RNF207: variants seen among roughly 807,000 people sequenced by gnomAD.
RNF207 encodes OTTHUMG00000001089.
In RNF207, 72 loss-of-function variants were observed where a neutral mutation model predicts 79.0. The observed-to-expected ratio is 0.91, with a 90% CI of 0.75 to 1.11. The LOEUF is 1.11. Ranked by LOEUF, RNF207 falls within the 50% of genes least tolerant of loss-of-function variation. The probability of loss-of-function intolerance (pLI) is 0.00; values close to 1 mark genes in which losing one functional copy is unlikely to be tolerated. For missense variants in RNF207, 936 were observed against 855.8 expected (o/e 1.09, Z -1.17); for synonymous variants, 348 against 366.2 (o/e 0.95, Z 0.57).
chr1:6,213,690 A>C (rs550751725), intron 16 of RNF207, among the ~76,000 whole-genome samples: 81 of 152,310 alleles, frequency 5.3e-4, no homozygotes, highest in African/African-American at 1.9e-3. Flanking sequence ...GTCAAAGCAG[A>C]AGGCACTTTC....
chr1:6,212,972 TGGTC>T, intron 15 of RNF207, 90 bp from the exon 16 acceptor site: 1 of 873,982 alleles, frequency 1.1e-6, no homozygotes, highest in Non-Finnish European at 1.9e-6. Flanking sequence ...ATCATGGAAA[TGGTC>T]GGGATATTTA....
At chr1:6,218,717 C>T (rs1668448290) in intron 17 of RNF207, among the ~76,000 whole-genome samples, 1 of 152,232 alleles carries the variant, frequency 6.6e-6, no homozygotes, top group South Asian at 2.1e-4. Context: ...TCCCCAGAGC[C>T]AGCGCATGCG....
chr1:6,206,502 G>C, intron 1 of RNF207, 34 bp from the exon 2 acceptor site: 3 of 1,499,560 alleles, frequency 2.0e-6, no homozygotes, highest in Non-Finnish European at 2.7e-6. Flanking sequence ...GGCTCCGTGC[G>C]TGCCCCAGCC....
Position 6,207,035 on chromosome 1 carries a change from CT to C in RNF207, c.191+310del, listed in dbSNP as rs1667935960. On this transcript the variant is annotated intron_variant, in intron 2 of 17. Coordinates refer to ENST00000377939, the MANE Select transcript of RNF207 (RefSeq NM_207396.3). This position sits in a 1 kb window ranked among gnomAD's most constrained non-coding sequence, Gnocchi z 4.5. ...GCTCCCGGTTACTCGCTTGGGGGTC[CT>C]AGAAGTCTTAGGTCCACAAAACCAC... Among the ~76,000 whole-genome samples, 4 of 145,030 alleles carry C rather than the reference CT, an allele frequency of 2.8e-5. No homozygotes were observed. Among genetic ancestry groups the C allele is most frequent in the Non-Finnish European group, 6.3e-5 (4 of 63,616 alleles).
Position 6,221,175 on chromosome 1 carries a change from C to T in RNF207, c.*1768C>T, listed in dbSNP as rs2100953914. On this transcript the variant is annotated 3_prime_UTR_variant, in exon 18 of 18. Transcript: ENST00000377939. The stretch of plus-strand genomic sequence containing the variant: ...AGAGTGACCTCAGAGTTTCACATCC[C>T]AGACAATCACACTGTGGTTGAGTGA... 6.5e-6 allele frequency: 1 copy of T among 152,720 alleles called. No individual in the cohort carries two copies. The highest frequency in any genetic ancestry group is 2.1e-4 in the South Asian group (1 of 4,830). 9.5% of individuals were successfully genotyped at this position (152,720 alleles called of 1,614,324 possible).
chr1:6,209,122 C>T lies in RNF207; in HGVS notation c.477C>T (p.His159=), dbSNP rs766103081. Residue 159 remains histidine (H), a synonymous_variant, in exon 5 of 18, where the codon CAC becomes CAT. Coordinates refer to ENST00000377939, the MANE Select transcript of RNF207 (RefSeq NM_207396.3). The part of the protein sequence containing the change: ...SRDVPQKCTL[H]AEPYLLFSTD... ...CGCCCGCCGCCCCCGCAGCGCTGCA[C>T]GCAGAGCCCTACCTCTTGTTCTCCA... 7.7e-6 allele frequency: 12 copies of T among 1,553,956 alleles called. No homozygotes were observed. The African/African-American group carries it at 1.1e-4, about 14-fold the overall frequency.
At chr1:6,214,629 T>C in intron 16 of RNF207, among the ~76,000 whole-genome samples, 1 of 129,924 alleles carries the variant, frequency 7.7e-6, no homozygotes, top group Middle Eastern at 4.0e-3. Context: ...AATATTTCTT[T>C]CTTTTTTTTT....
chr1:6,209,725 G>A (rs1199981345), intron 7 of RNF207, among the ~76,000 whole-genome samples, 186 bp downstream of exon 7: 1 of 152,148 alleles, frequency 6.6e-6, no homozygotes, highest in Admixed American at 6.5e-5. Flanking sequence ...GGGGGTGTGA[G>A]GTGGTCAGGA....
At chr1:6,214,353 G>C (rs1044652359) in intron 16 of RNF207, among the ~76,000 whole-genome samples, 1 of 151,884 alleles carries the variant, frequency 6.6e-6, no homozygotes, top group Admixed American at 6.6e-5. Flanking sequence ...TTGGATACTG[G>C]CAGGCTCTTT....
rs777536099 is a variant in RNF207, at chr1:6,209,184, G to A, written c.539G>A (p.Arg180His). ...TTGCTGTTGTGCATCCGCTGCTTCCGCGACATGCAGAAGTGCGTACAGGGG... is the reference window on the plus strand; with the variant it reads ...TTGCTGTTGTGCATCCGCTGCTTCCACGACATGCAGAAGTGCGTACAGGGG... ...KKLLLCIRCF[R>H]DMQKESRAHC... The change falls in exon 5 of 18, where the codon CGC becomes CAC. Residue 180 changes from arginine to histidine, a missense_variant. By Grantham distance (29) the Arg-to-His change is conservative (BLOSUM62 0). Transcript: ENST00000377939. 6.4e-7 allele frequency: 1 copy of A among 1,554,848 alleles called. No homozygotes were observed. The highest frequency in any genetic ancestry group is 8.7e-7 in the Non-Finnish European group (1 of 1,148,832).
At position 6,206,583 on chromosome 1, in the gene RNF207, T is replaced by C; in HGVS notation, c.48T>C (p.Asp16=). Residue 16 remains aspartate, a synonymous_variant, in exon 2 of 18, where the codon GAT becomes GAC. Coordinates refer to ENST00000377939, the MANE Select transcript of RNF207 (RefSeq NM_207396.3). ...FGPLEGPSSL[D]APSIHPLVCP... is the part of the protein sequence containing the mutation. ...CCCTGGAGGGCCCGAGCTCCCTGGA[T>C]GCCCCGAGCATCCACCCGCTGGTGT... The C allele has an allele frequency of 6.2e-7, 1 of 1,602,894 alleles. No individual in the cohort carries two copies.
Position 6,212,279 on chromosome 1 carries a change from C to CACCGAG in RNF207, c.1349_1354dup (p.Arg450_Asp451dup). The CACCGAG allele has an allele frequency of 6.2e-7, 1 of 1,613,074 alleles. No homozygotes were observed. The highest frequency in any genetic ancestry group is 8.5e-7 in the Non-Finnish European group (1 of 1,179,662). On this transcript the variant is annotated inframe_insertion, in exon 14 of 18. Transcript: ENST00000377939. Reference sequence around the variant, plus strand: ...CCTAAAGGACCAGGTACAGGAGCTGCACCGAGACCTCACCAAGCACCACTC... The same window carrying CACCGAG: ...CCTAAAGGACCAGGTACAGGAGCTGCACCGAGACCGAGACCTCACCAAGCACCACTC...
At position 6,213,314 on chromosome 1, in the gene RNF207, A is replaced by C. The variant is rs578201213; in HGVS notation, c.1652+131A>C. The stretch of plus-strand genomic sequence containing the variant: ...GGTGGGCGGATAACCTGAGGTCAGC[A>C]GTTCGAGACCAGCCTGGCCAACATG... On this transcript the variant is annotated intron_variant, in intron 16 of 17. Transcript: ENST00000377939. 7.7e-4 allele frequency: 436 copies of C among 566,250 alleles called. 7 individuals are homozygous for C. In the East Asian group the frequency reaches 0.014, roughly 18 times the overall value. 35.1% of individuals were successfully genotyped at this position (566,250 alleles called of 1,614,324 possible). A position where few individuals can be genotyped will look rare whatever the true frequency, so the allele number is the denominator to read the frequency against.
At chr1:6,212,853 C>T (rs886670119) in intron 15 of RNF207, 120 bp downstream of exon 15, 6 of 922,880 alleles carry the variant, frequency 6.5e-6, no homozygotes, top group South Asian at 2.7e-5. Flanking sequence ...TTCCCCTTAG[C>T]GCTTGACCGT....
chr1:6,206,275 G>T lies in RNF207; in HGVS notation c.-28G>T, dbSNP rs1031794790. ...CGGCGGGAGAGAGGCTCGGAGGACCGGTAGCTCCCAGCAAAGCGGCCCAGC... is the reference window on the plus strand; with the variant it reads ...CGGCGGGAGAGAGGCTCGGAGGACCTGTAGCTCCCAGCAAAGCGGCCCAGC... On this transcript the variant is annotated 5_prime_UTR_variant, in exon 1 of 18. Coordinates refer to ENST00000377939, the MANE Select transcript of RNF207 (RefSeq NM_207396.3). The T allele has an allele frequency of 9.2e-6, 4 of 435,626 alleles. No homozygotes were observed. The highest frequency in any genetic ancestry group is 1.2e-5 in the Non-Finnish European group (3 of 247,470). The allele number at this position is 435,626 out of a possible 1,614,324, so 27.0% of individuals were successfully genotyped here.
chr1:6,219,164 C>G, intron 17 of RNF207, 72 bp from the exon 18 acceptor site: 1 of 1,414,946 alleles, frequency 7.1e-7, no homozygotes, highest in African/African-American at 1.4e-5. Context: ...TGCTTTGGCC[C>G]AAGTGGATTT....
At chr1:6,219,010 CGCTGACACAG>C (rs1339371302) in intron 17 of RNF207, among the ~76,000 whole-genome samples, 4 of 152,134 alleles carry the variant, frequency 2.6e-5, no homozygotes, top group African/African-American at 4.8e-5. Context: ...CACCAGAAAC[CGCTGACACAG>C]GCTGATGGTT....
intron 16 of RNF207, 26 bp from the exon 17 acceptor site, chr1:6,218,263 G>C: frequency 6.3e-7 from 1 of 1,586,658 alleles, no homozygotes; most frequent in Non-Finnish European, 8.7e-7. Context: ...GCTCCCTTGA[G>C]ATTCTGGTGC....
Position 6,218,366 on chromosome 1 carries a change from C to G in RNF207, c.1730C>G (p.Ala577Gly), listed in dbSNP as rs1390096456. The change falls in exon 17 of 18, where the codon GCC (alanine) becomes GGC (glycine). Residue 577 changes from alanine to glycine, a missense_variant. Coordinates refer to ENST00000377939, the MANE Select transcript of RNF207 (RefSeq NM_207396.3). ...GACAGCAGGAACAACGCGGCCTCAG[C>G]CAGGTAAAGCAAGTCTCTCCACTGG... Reference protein sequence around the residue: ...HDDSRNNAASARNNPGSVPEK... With the variant: ...HDDSRNNAASGRNNPGSVPEK... 2 of 1,610,534 alleles carry G rather than the reference C, an allele frequency of 1.2e-6. No individual in the cohort carries two copies. The highest frequency in any genetic ancestry group is 8.5e-7 in the Non-Finnish European group (1 of 1,176,904).
Sources: gnomAD v4.1 joint callset for allele counts (sites outside exome capture counted in the v4.1 genomes callset) on GRCh38, gnomAD v4.1.1 for gene constraint, Gnocchi (gnomAD v3.1) non-coding constraint, MANE v1.5 for transcripts, NCBI Gene and HGNC (gene_info 2026-07-23, HGNC 2026-07-21) for gene names.